Variants in SNTB1 observed in about 807,000 individuals in gnomAD.
The protein encoded by SNTB1 is beta-1-syntrophin.
A neutral mutation model predicts 48.9 loss-of-function variants in SNTB1; 36 were observed. The ratio of observed to expected loss-of-function variants is 0.74; its 90% CI spans 0.56 to 0.97. SNTB1 has a LOEUF of 0.97. Among genes scored for constraint, SNTB1 ranks in the 50% least tolerant of loss-of-function variants. The pLI, the probability that SNTB1 is intolerant of heterozygous loss-of-function variation, is 0.00. For synonymous variants in SNTB1, 299 were observed against 294.6 expected, an observed-to-expected ratio of 1.01 and a Z score of -0.15; for missense variants, 786 against 703.4, an observed-to-expected ratio of 1.12 and a Z score of -1.33.
intron 4 of SNTB1, among the ~76,000 whole-genome samples, chr8:120,552,590 G>A (rs904257158): frequency 1.3e-5 from 2 of 151,892 alleles, no homozygotes; most frequent in East Asian, 3.9e-4. Context: ...ACTCCTGCCT[G>A]CCTTGGCCTC....
intron 1 of SNTB1, among the ~76,000 whole-genome samples, chr8:120,783,824 T>G (rs1049302382): frequency 1.3e-5 from 2 of 152,150 alleles, no homozygotes; most frequent in African/African-American, 4.8e-5. Context: ...AAACAAAAAT[T>G]TTTTTACCAA....
chr8:120,549,017 A>G, intron 4 of SNTB1, 59 bp from the exon 5 acceptor site: 1 of 1,400,966 alleles, frequency 7.1e-7, no homozygotes. Context: ...CACCTGGCAT[A>G]TCACCTTGTA....
At chr8:120,609,667 TA>T (rs1563830720) in intron 3 of SNTB1, among the ~76,000 whole-genome samples, 4 of 152,222 alleles carry the variant, frequency 2.6e-5, no homozygotes, top group African/African-American at 9.6e-5. Context: ...GATTACTTTT[TA>T]AAAGAAAATT....
Position 120,693,853 on chromosome 8 carries a change from C to A in SNTB1, c.627G>T (p.Glu209Asp). ...PYVKKGSPVS[E>D]IGWETPPPES... ...CAGGCGGAGGTGTTTCCCACCCAAT[C>A]TCGGATACTGGGGATCCTTTCTTCA... Residue 209 changes from glutamate to aspartate, a missense_variant, in exon 2 of 7, where the codon GAG becomes GAT. By Grantham distance (45) the Glu-to-Asp change is conservative (BLOSUM62 2). Coordinates refer to ENST00000517992, the MANE Select transcript of SNTB1 (RefSeq NM_021021.4). 6.2e-7 allele frequency: 1 copy of A among 1,614,180 alleles called. No individual in the cohort carries two copies. Among genetic ancestry groups the A allele is most frequent in the Non-Finnish European group, 8.5e-7 (1 of 1,180,030 alleles).
At chr8:120,699,419 G>A (rs569181595) in intron 1 of SNTB1, among the ~76,000 whole-genome samples, 1 of 152,078 alleles carries the variant, frequency 6.6e-6, no homozygotes, top group Non-Finnish European at 1.5e-5. Context: ...CACCCAGTTG[G>A]TTCACTTGAG....
chr8:120,794,936 T>C (rs1267708097), intron 1 of SNTB1, among the ~76,000 whole-genome samples: 2 of 152,070 alleles, frequency 1.3e-5, no homozygotes, highest in South Asian at 2.1e-4. Context: ...CTATCTCTAG[T>C]GACTCCTGGT....
intron 2 of SNTB1, among the ~76,000 whole-genome samples, chr8:120,667,043 C>T (rs1230842080): frequency 1.3e-5 from 2 of 151,528 alleles, no homozygotes; most frequent in Non-Finnish European, 2.9e-5. Context: ...TTCTCTACAT[C>T]ATGGGTCAGA....
At chr8:120,555,490 A>C (rs944332225) in intron 4 of SNTB1, among the ~76,000 whole-genome samples, 2 of 152,130 alleles carry the variant, frequency 1.3e-5, no homozygotes, top group African/African-American at 4.8e-5. Flanking sequence ...TTCTTGCTGT[A>C]CACGTGGCCG....
chr8:120,754,581 T>G (rs540797901), intron 1 of SNTB1, among the ~76,000 whole-genome samples: 50 of 152,320 alleles, frequency 3.3e-4, no homozygotes, highest in African/African-American at 1.2e-3. Context: ...GGATAAGAAT[T>G]GTTCCAAATT....
intron 1 of SNTB1, among the ~76,000 whole-genome samples, chr8:120,738,184 T>C (rs1331775437): frequency 6.6e-6 from 1 of 152,182 alleles, no homozygotes; most frequent in Non-Finnish European, 1.5e-5. Flanking sequence ...GAACCATAAG[T>C]GGGCCCTCAC....
chr8:120,784,901 G>C (rs1455590858), intron 1 of SNTB1, among the ~76,000 whole-genome samples: 1 of 152,156 alleles, frequency 6.6e-6, no homozygotes. Flanking sequence ...GGAGGGGAGA[G>C]ACTGCCTCTA....
intron 1 of SNTB1, among the ~76,000 whole-genome samples, chr8:120,804,456 C>T (rs927628809): frequency 2.0e-5 from 3 of 152,096 alleles, no homozygotes; most frequent in African/African-American, 7.2e-5. Context: ...TGCCTTATAC[C>T]GCTTTAACTT....
At chr8:120,669,842 T>G (rs1459956385) in intron 2 of SNTB1, among the ~76,000 whole-genome samples, 1 of 152,212 alleles carries the variant, frequency 6.6e-6, no homozygotes, top group Non-Finnish European at 1.5e-5. Flanking sequence ...AACTCAGCAT[T>G]TCTTACAAAT....
At position 120,727,158 on chromosome 8, in the gene SNTB1, C is replaced by T. The variant is rs78824176; in HGVS notation, c.572-33250G>A. ...AATGCAGTAAAGAATAATACAGGAT[C>T]TCTGACATGTGGGGTCAAAGGCTGC... On this transcript the variant is annotated intron_variant, in intron 1 of 6. Coordinates refer to ENST00000517992, the MANE Select transcript of SNTB1 (RefSeq NM_021021.4). Among the ~76,000 whole-genome samples the T allele has an allele frequency of 8.3e-3, 1,270 of 152,274 alleles. 22 individuals carry two copies. The highest frequency in any genetic ancestry group is 0.029 in the African/African-American group (1,224 of 41,550).
At chr8:120,542,692 A>G (rs1413371545) in intron 5 of SNTB1, among the ~76,000 whole-genome samples, 1 of 144,722 alleles carries the variant, frequency 6.9e-6, no homozygotes, top group Non-Finnish European at 1.5e-5. Flanking sequence ...GCCACCTTTG[A>G]ATCACCAACC....
At chr8:120,711,509 T>C (rs1040623499) in intron 1 of SNTB1, among the ~76,000 whole-genome samples, 1 of 152,168 alleles carries the variant, frequency 6.6e-6, no homozygotes, top group Non-Finnish European at 1.5e-5. Flanking sequence ...CTTCCCTCCA[T>C]GCAAGACTGT....
At chr8:120,799,758 C>T (rs1409170023) in intron 1 of SNTB1, among the ~76,000 whole-genome samples, 1 of 151,836 alleles carries the variant, frequency 6.6e-6, no homozygotes, top group East Asian at 1.9e-4. Flanking sequence ...TCCTTAGTGA[C>T]TTAGTGATTT....
intron 4 of SNTB1, among the ~76,000 whole-genome samples, chr8:120,572,760 C>A (rs1815879011): frequency 6.6e-6 from 1 of 151,112 alleles, no homozygotes; most frequent in African/African-American, 2.5e-5. Context: ...AACAAACAAA[C>A]AAAAATTAGC....
rs116386932 is a variant in SNTB1, at chr8:120,759,723, C to T, written c.571+51550G>A. Among the ~76,000 whole-genome samples the T allele has an allele frequency of 5.0e-3, 758 of 152,272 alleles. 6 individuals are homozygous for T. The highest frequency in any genetic ancestry group is 0.016 in the African/African-American group (672 of 41,574). ...TCCAATGACTTCCTGTGGCCCAAGACGAACTTCATAGCCTTTCATTCTGAA... is the reference window on the plus strand; with the variant it reads ...TCCAATGACTTCCTGTGGCCCAAGATGAACTTCATAGCCTTTCATTCTGAA... On this transcript the variant is annotated intron_variant, in intron 1 of 6. Transcript: ENST00000517992.
Sources: allele counts gnomAD v4.1 joint callset (sites outside exome capture counted in the v4.1 genomes callset), GRCh38; gene constraint gnomAD v4.1.1; transcripts MANE v1.5; gene names NCBI Gene and HGNC (gene_info 2026-07-23, HGNC 2026-07-21).